Variants in SVOP observed in about 807,000 individuals in gnomAD.
SVOP encodes the protein synaptic vesicle 2-related protein.
Under a neutral mutation model 69.1 loss-of-function variants are expected in SVOP, and 17 were observed. That is an observed-to-expected ratio of 0.25 (90% confidence interval 0.17 to 0.37). SVOP has a LOEUF of 0.37. Ranked by LOEUF, SVOP falls within the 10% of genes least tolerant of loss-of-function variation. The probability of loss-of-function intolerance (pLI) is 1.00; values close to 1 mark genes in which losing one functional copy is unlikely to be tolerated. For missense variants in SVOP, 435 were observed against 597.5 expected (o/e 0.73, Z 2.84); for synonymous variants, 238 against 238.6 (o/e 1.00, Z 0.02).
intron 1 of SVOP, among the ~76,000 whole-genome samples, chr12:108,994,972 T>C (rs1865146): frequency 0.037 from 5,681 of 151,758 alleles, 650 homozygotes; most frequent in Admixed American, 0.22. Flanking sequence ...AAGACCCTCA[T>C]CTCAACAAAA....
chr12:108,996,386 C>A (rs899357920), intron 1 of SVOP, among the ~76,000 whole-genome samples: 3 of 151,970 alleles, frequency 2.0e-5, no homozygotes, highest in Non-Finnish European at 4.4e-5. Flanking sequence ...GGTGAATCCT[C>A]GTCTTTACTA....
At chr12:108,930,302 G>A (rs149864117) in intron 11 of SVOP, among the ~76,000 whole-genome samples, 1 of 152,292 alleles carries the variant, frequency 6.6e-6, no homozygotes, top group Non-Finnish European at 1.5e-5. Context: ...AGACAGACTG[G>A]TACTGCCAAG....
chr12:108,921,538 A>C (rs1460394272), intron 12 of SVOP, among the ~76,000 whole-genome samples: 1 of 152,174 alleles, frequency 6.6e-6, no homozygotes, highest in Non-Finnish European at 1.5e-5. Flanking sequence ...GCTGAATTCC[A>C]CTGGGGGACT....
chr12:108,925,454 C>G (rs944905727), intron 11 of SVOP, among the ~76,000 whole-genome samples: 1 of 152,282 alleles, frequency 6.6e-6, no homozygotes, highest in Non-Finnish European at 1.5e-5. Flanking sequence ...CTCACTTTCT[C>G]CCCTGACCTC....
At chr12:108,966,110 T>C (rs2040044165) in intron 5 of SVOP, among the ~76,000 whole-genome samples, 1 of 151,944 alleles carries the variant, frequency 6.6e-6, no homozygotes, top group South Asian at 2.1e-4. Flanking sequence ...CAAGCGATCC[T>C]CTCACTTCAG....
intron 5 of SVOP, among the ~76,000 whole-genome samples, chr12:108,963,398 A>AT (rs1457139165): frequency 1.3e-5 from 2 of 152,088 alleles, no homozygotes; most frequent in South Asian, 2.1e-4. Context: ...CAAGAAAGTT[A>AT]TTTTTTTCAT....
At chr12:108,933,762 G>T (rs1431602899) in intron 11 of SVOP, among the ~76,000 whole-genome samples, 1 of 151,908 alleles carries the variant, frequency 6.6e-6, no homozygotes, top group Non-Finnish European at 1.5e-5. Context: ...CATGTGAAGG[G>T]GCCTAGTTTA....
At chr12:108,973,123 G>A (rs773732242) in intron 4 of SVOP, among the ~76,000 whole-genome samples, 6 of 152,154 alleles carry the variant, frequency 3.9e-5, no homozygotes, top group Non-Finnish European at 1.5e-5. Context: ...TCATCACCAT[G>A]CTCTTCCCTC....
At chr12:108,917,468 C>T (rs1028562475) in intron 14 of SVOP, among the ~76,000 whole-genome samples, 14 of 152,134 alleles carry the variant, frequency 9.2e-5, no homozygotes, top group African/African-American at 2.2e-4. Flanking sequence ...TAGGGCCCTA[C>T]TATCAGGGAT....
In SVOP at chr12:108,998,556, T is replaced by A. The variant is rs371019804; in HGVS notation, c.36-14795A>T. On this transcript the variant is annotated intron_variant, in intron 1 of 15. Transcript: ENST00000610966. ...GAAGGAAAAAATGTTAAGGGCAGCC[T>A]GAGAGAAAGGTCGGGTTACCCTCAA... Among the ~76,000 whole-genome samples, 127 of 151,996 alleles carry A rather than the reference T, an allele frequency of 8.4e-4. 1 individual carries two copies. In the South Asian group the frequency reaches 0.014, roughly 17 times the overall value.
intron 1 of SVOP, among the ~76,000 whole-genome samples, chr12:109,005,542 T>C (rs1247077148): frequency 6.6e-6 from 1 of 152,004 alleles, no homozygotes; most frequent in Non-Finnish European, 1.5e-5. Flanking sequence ...GGCAAGGTGG[T>C]TAATACACAA....
Position 108,998,041 on chromosome 12 carries a change from G to A in SVOP, c.36-14280C>T, listed in dbSNP as rs1044979264. On this transcript the variant is annotated intron_variant, in intron 1 of 15. Coordinates refer to ENST00000610966, the MANE Select transcript of SVOP (RefSeq NM_018711.5). ...CTACGGGAGGACATTCAAACCAAAGGCAAAGAAGTTGAAAACTTTGAAAAA... is the reference window on the plus strand; with the variant it reads ...CTACGGGAGGACATTCAAACCAAAGACAAAGAAGTTGAAAACTTTGAAAAA... Among the ~76,000 whole-genome samples, 219 of 150,696 alleles carry A rather than the reference G, an allele frequency of 1.5e-3. 3 individuals carry two copies. In the South Asian group the frequency reaches 0.018, roughly 12 times the overall value.
intron 13 of SVOP, 65 bp from the exon 14 acceptor site, chr12:108,918,189 T>C: frequency 7.3e-7 from 1 of 1,370,878 alleles, no homozygotes; most frequent in South Asian, 1.4e-5. Flanking sequence ...CATAGTCCTA[T>C]CTTCCCAGGC....
At chr12:108,942,447 T>C (rs1048285596) in intron 7 of SVOP, among the ~76,000 whole-genome samples, 1 of 152,240 alleles carries the variant, frequency 6.6e-6, no homozygotes, top group Non-Finnish European at 1.5e-5. Flanking sequence ...TCACTCTCCA[T>C]CCTTTTCCAC....
intron 1 of SVOP, among the ~76,000 whole-genome samples, chr12:109,002,617 A>G (rs2040278488): frequency 1.3e-5 from 2 of 151,878 alleles, no homozygotes. Context: ...ACCATGGAAC[A>G]CTATGCAGCC....
intron 1 of SVOP, among the ~76,000 whole-genome samples, chr12:108,994,163 A>G (rs1016410801): frequency 6.6e-6 from 1 of 152,160 alleles, no homozygotes; most frequent in African/African-American, 2.4e-5. Context: ...CATTACAGGG[A>G]TGGAAACAAG....
intron 6 of SVOP, among the ~76,000 whole-genome samples, chr12:108,946,899 TG>T (rs1445844612): frequency 1.1e-4 from 17 of 152,032 alleles, no homozygotes; most frequent in Middle Eastern, 3.4e-3. Context: ...TTGTATTTTT[TG>T]GTAGAGACGG....
intron 7 of SVOP, among the ~76,000 whole-genome samples, chr12:108,944,336 G>A (rs1006142750): frequency 2.6e-5 from 4 of 152,224 alleles, no homozygotes; most frequent in Non-Finnish European, 4.4e-5. Flanking sequence ...TTTAAACAAT[G>A]GATTCATCCA....
rs7952784 is a variant in SVOP at position 108,912,459 on chromosome 12, A to G, written c.*76T>C. On this transcript the variant is annotated 3_prime_UTR_variant, in exon 16 of 16. Transcript: ENST00000610966. ...TGAGTTCTTGATGTCGGCAGTGACA[A>G]TCAGTGCCCCAGTTGGGGCCTGCCA... 4.7e-3 allele frequency: 7,469 copies of G among 1,597,038 alleles called. 303 individuals carry two copies. The African/African-American group carries it at 0.086, about 18-fold the overall frequency.
Sources: allele counts gnomAD v4.1 joint callset (sites outside exome capture counted in the v4.1 genomes callset), GRCh38; gene constraint gnomAD v4.1.1; transcripts MANE v1.5; gene names NCBI Gene and HGNC (gene_info 2026-07-23, HGNC 2026-07-21).